Variants in PCMTD1 observed in about 807,000 individuals in gnomAD.
PCMTD1 encodes the protein protein-L-isoaspartate (D-aspartate) O-methyltransferase domain containing 1.
In PCMTD1, 12 loss-of-function variants were observed where a neutral mutation model predicts 37.6. That is an observed-to-expected ratio of 0.32 (90% CI 0.20 to 0.52). The LOEUF is 0.52. Ranked by LOEUF, PCMTD1 falls within the 20% of genes least tolerant of loss-of-function variation. PCMTD1 has a pLI of 0.97. For synonymous variants in PCMTD1, 117 were observed against 135.8 expected, an observed-to-expected ratio of 0.86 and a Z score of 0.96; for missense variants, 235 against 421.3, an observed-to-expected ratio of 0.56 and a Z score of 3.87.
At chr8:51,865,795 A>G (rs2038546174) in intron 1 of PCMTD1, among the ~76,000 whole-genome samples, 1 of 152,002 alleles carries the variant, frequency 6.6e-6, no homozygotes, top group African/African-American at 2.4e-5. Flanking sequence ...TATTCAACAC[A>G]GAACAAAATG....
intron 2 of PCMTD1, chr8:51,860,589 C>G (rs978440681): frequency 6.0e-6 from 2 of 331,438 alleles, no homozygotes; most frequent in African/African-American, 4.2e-5. Context: ...TTCCTGCCCA[C>G]CAGCGCTTGA....
At chr8:51,886,171 G>A (rs1478870744) in intron 1 of PCMTD1, among the ~76,000 whole-genome samples, 7 of 152,100 alleles carry the variant, frequency 4.6e-5, no homozygotes, top group African/African-American at 1.2e-4. Flanking sequence ...ACATATTGCC[G>A]AAGAGACTTC....
At position 51,818,754 on chromosome 8, in the gene PCMTD1, C is replaced by T. The variant is rs1289642992; in HGVS notation, c.*1597G>A. 3 of 152,326 alleles carry T rather than the reference C, an allele frequency of 2.0e-5. No homozygotes were observed. The highest frequency in any genetic ancestry group is 1.3e-4 in the Admixed American group (2 of 15,290). The allele number at this position is 152,326 out of a possible 1,614,324, so 9.4% of individuals were successfully genotyped here. ...CTAAAATATCCTCACTTACTTGGAA[C>T]AATTTCATGCTTACACATGATCACA... On this transcript the variant is annotated 3_prime_UTR_variant, in exon 6 of 6. Coordinates refer to ENST00000522514, the MANE Select transcript of PCMTD1 (RefSeq NM_052937.4).
chr8:51,859,849 T>C (rs1394180708), intron 2 of PCMTD1, among the ~76,000 whole-genome samples: 1 of 152,196 alleles, frequency 6.6e-6, no homozygotes, highest in African/African-American at 2.4e-5. Context: ...TCATCCTTAT[T>C]AACTTAGGGA....
chr8:51,848,451 G>A (rs1037772188), intron 2 of PCMTD1, among the ~76,000 whole-genome samples: 53 of 151,886 alleles, frequency 3.5e-4, no homozygotes, highest in African/African-American at 1.2e-3. Flanking sequence ...AATAACAAAG[G>A]TGTTAAGAAT....
At chr8:51,893,711 A>G (rs1350512748) in intron 1 of PCMTD1, among the ~76,000 whole-genome samples, 1 of 152,280 alleles carries the variant, frequency 6.6e-6, no homozygotes, top group Non-Finnish European at 1.5e-5. Context: ...AATAAACAAT[A>G]TAATTACCTT....
upstream of PCMTD1, chr8:51,899,103 T>A (rs1426086526): frequency 6.9e-7 from 1 of 1,451,554 alleles, no homozygotes; most frequent in Non-Finnish European, 9.1e-7. Flanking sequence ...GCCGCCGGGG[T>A]CCGGGCATGC....
At chr8:51,898,702 G>A (rs1390256679) in intron 1 of PCMTD1, among the ~76,000 whole-genome samples, 1 of 142,718 alleles carries the variant, frequency 7.0e-6, no homozygotes, top group African/African-American at 2.6e-5. Flanking sequence ...TCGACTCCCC[G>A]ACCTCCCAAG....
At chr8:51,899,072 C>A (rs926994863), upstream of PCMTD1, 5 of 1,499,856 alleles carry the variant, frequency 3.3e-6, no homozygotes, top group African/African-American at 5.7e-5. Context: ...CTGGAGCAGC[C>A]AGAGCCTCCC....
Position 51,820,226 on chromosome 8 carries a change from A to C in PCMTD1, c.*125T>G. The stretch of plus-strand genomic sequence containing the variant: ...ATCATTTGTGTTACTGACAGAAACA[A>C]GTGATTTTTTTTCCACTATAATTTG... On this transcript the variant is annotated 3_prime_UTR_variant, in exon 6 of 6. Coordinates refer to ENST00000522514, the MANE Select transcript of PCMTD1 (RefSeq NM_052937.4). The C allele has an allele frequency of 1.5e-6, 1 of 655,376 alleles. No homozygotes were observed. 40.6% of individuals were successfully genotyped at this position (655,376 alleles called of 1,614,324 possible).
At chr8:51,859,540 G>C (rs984439110) in intron 2 of PCMTD1, among the ~76,000 whole-genome samples, 1 of 152,146 alleles carries the variant, frequency 6.6e-6, no homozygotes. Flanking sequence ...ACACTCAAAT[G>C]AAACAGATGG....
intron 5 of PCMTD1, among the ~76,000 whole-genome samples, chr8:51,830,257 T>C (rs1420488642): frequency 1.3e-5 from 2 of 152,240 alleles, no homozygotes; most frequent in South Asian, 2.1e-4. Context: ...TCCATTTCTA[T>C]CTAACCCTAG....
intron 3 of PCMTD1, among the ~76,000 whole-genome samples, chr8:51,843,503 A>G (rs149366668): frequency 1.3e-5 from 2 of 152,210 alleles, no homozygotes; most frequent in African/African-American, 4.8e-5. Context: ...GTATTTTACG[A>G]TTCATCATAT....
intron 3 of PCMTD1, among the ~76,000 whole-genome samples, chr8:51,841,940 C>T (rs1447526485): frequency 6.6e-6 from 1 of 152,126 alleles, no homozygotes; most frequent in African/African-American, 2.4e-5. Context: ...ATTTTCATGG[C>T]ATTTGCATCC....
intron 2 of PCMTD1, among the ~76,000 whole-genome samples, chr8:51,848,733 A>G (rs1022994885): frequency 6.6e-6 from 1 of 152,198 alleles, no homozygotes; most frequent in African/African-American, 2.4e-5. Flanking sequence ...ATTAATATGT[A>G]AAGAATTTGA....
chr8:51,880,497 T>C (rs1337067129), intron 1 of PCMTD1, among the ~76,000 whole-genome samples: 2 of 152,210 alleles, frequency 1.3e-5, no homozygotes, highest in African/African-American at 4.8e-5. Flanking sequence ...TCCACCTTTA[T>C]TGGGAACTCT....
intron 1 of PCMTD1, among the ~76,000 whole-genome samples, chr8:51,891,658 TAA>T (rs967672114): frequency 7.5e-6 from 1 of 133,274 alleles, no homozygotes; most frequent in African/African-American, 2.7e-5. Flanking sequence ...TGCCACTAGT[TAA>T]AAAAAAAAAC....
chr8:51,851,146 C>A (rs1392142503), intron 2 of PCMTD1, among the ~76,000 whole-genome samples: 1 of 152,196 alleles, frequency 6.6e-6, no homozygotes, highest in Admixed American at 6.5e-5. Flanking sequence ...TGTCCTGAGT[C>A]TTGCCATGTT....
intron 1 of PCMTD1, among the ~76,000 whole-genome samples, chr8:51,862,378 A>T (rs375890093): frequency 3.5e-5 from 5 of 143,708 alleles, no homozygotes; most frequent in Non-Finnish European, 4.7e-5. Context: ...ACACACTCAC[A>T]CACACATACA....
Sources: allele counts gnomAD v4.1 joint callset (sites outside exome capture counted in the v4.1 genomes callset), GRCh38; gene constraint gnomAD v4.1.1; transcripts MANE v1.5; gene names NCBI Gene and HGNC (gene_info 2026-07-23, HGNC 2026-07-21).